The following RGS9 variants were observed in gnomAD, a reference collection of about 807,000 sequenced individuals.
RGS9 encodes the protein regulator of G protein signaling 9.
A neutral mutation model predicts 102.0 loss-of-function variants in RGS9; 78 were observed. That is an observed-to-expected ratio of 0.76 (90% CI 0.64 to 0.92). The LOEUF is 0.92. Among genes scored for constraint, RGS9 ranks in the 40% least tolerant of loss-of-function variants. The pLI, the probability that RGS9 is intolerant of heterozygous loss-of-function variation, is 0.00. For synonymous variants in RGS9, 353 were observed against 318.6 expected (o/e 1.11, Z -1.15); for missense variants, 833 against 866.1 (o/e 0.96, Z 0.48).
chr17:65,227,156 C>A (rs1227459824), intron 18 of RGS9, 119 bp from the exon 19 acceptor site: 2 of 1,404,240 alleles, frequency 1.4e-6, no homozygotes, highest in East Asian at 4.6e-5. Context: ...CTGCCCCCAC[C>A]ACAGTCTTTG....
chr17:65,210,629 G>A (rs763131465), intron 17 of RGS9, 24 bp downstream of exon 17: 3 of 1,612,782 alleles, frequency 1.9e-6, no homozygotes, highest in African/African-American at 2.7e-5. Flanking sequence ...TGGACCGCAG[G>A]AGCCAACTCC....
chr17:65,202,941 G>A (rs1214325489), intron 14 of RGS9, among the ~76,000 whole-genome samples: 1 of 152,142 alleles, frequency 6.6e-6, no homozygotes, highest in African/African-American at 2.4e-5. Flanking sequence ...GCCCAGCATT[G>A]TTAGTTCATA....
chr17:65,177,157 TCC>T (rs1911671281), intron 8 of RGS9, among the ~76,000 whole-genome samples: 2 of 150,648 alleles, frequency 1.3e-5, no homozygotes, highest in Non-Finnish European at 3.0e-5. Context: ...TGTCCGTCCA[TCC>T]ATCCATCCAT....
chr17:65,210,879 G>A (rs921245154), intron 17 of RGS9, among the ~76,000 whole-genome samples: 1 of 152,110 alleles, frequency 6.6e-6, no homozygotes, highest in African/African-American at 2.4e-5. Context: ...GAAGGCGGTG[G>A]GTGGGAGAGG....
chr17:65,189,343 A>C (rs201685358), intron 10 of RGS9, 28 bp downstream of exon 10: 4 of 1,563,608 alleles, frequency 2.6e-6, no homozygotes, highest in Non-Finnish European at 3.5e-6. Flanking sequence ...TCCAGTGAAG[A>C]ATGGTTTTAA....
At chr17:65,205,118 A>G (rs898984245) in intron 15 of RGS9, among the ~76,000 whole-genome samples, 1 of 152,332 alleles carries the variant, frequency 6.6e-6, no homozygotes, top group East Asian at 1.9e-4. Flanking sequence ...TTAAAAAAAA[A>G]TATGTGAAGG....
chr17:65,159,309 G>A (rs968756506), intron 3 of RGS9, among the ~76,000 whole-genome samples: 4 of 152,166 alleles, frequency 2.6e-5, no homozygotes, highest in Admixed American at 6.5e-5. Flanking sequence ...TTGCTCACAC[G>A]AAGCCTGTTT....
intron 10 of RGS9, 66 bp downstream of exon 10, chr17:65,189,381 T>C (rs773239707): frequency 3.3e-5 from 41 of 1,234,448 alleles, no homozygotes; most frequent in Non-Finnish European, 4.9e-5. Flanking sequence ...ATGTACTTTG[T>C]TTTACCCTCT....
intron 2 of RGS9, among the ~76,000 whole-genome samples, chr17:65,157,037 C>T (rs1278045761): frequency 1.3e-5 from 2 of 152,152 alleles, no homozygotes; most frequent in Admixed American, 6.5e-5. Flanking sequence ...CAGGCAATTA[C>T]GCCCAGAGAG....
rs781307223 is a variant in RGS9 at position 65,153,467 on chromosome 17, C to G, written c.103C>G (p.Arg35Gly). Residue 35 changes from arginine to glycine, a missense_variant, in exon 2 of 19, where the codon CGA becomes GGA. Physicochemically the swap from Arg to Gly is moderately radical, Grantham distance 125 (BLOSUM62 -2). Transcript: ENST00000262406. Reference protein sequence around the residue: ...KDMQNPETGVRMQNQRVLVTS... With the variant: ...KDMQNPETGVGMQNQRVLVTS... ...CATGCAGAACCCAGAGACAGGGGTC[C>G]GAATGCAGAACCAGAGGGTCCTGGT... 1 of 1,614,122 alleles carries G rather than the reference C, an allele frequency of 6.2e-7. No homozygotes were observed. The highest frequency in any genetic ancestry group is 8.5e-7 in the Non-Finnish European group (1 of 1,180,002).
chr17:65,152,226 C>A (rs1910605292), intron 1 of RGS9, among the ~76,000 whole-genome samples: 1 of 152,108 alleles, frequency 6.6e-6, no homozygotes, highest in Admixed American at 6.5e-5. Context: ...AGGGAAGAGC[C>A]AGAACATGGG....
In RGS9 at chr17:65,177,804, G is replaced by A; in HGVS notation, c.654+1G>A. 1.2e-6 allele frequency: 2 copies of A among 1,613,908 alleles called. No homozygotes were observed. Among genetic ancestry groups the A allele is most frequent in the African/African-American group, 1.3e-5 (1 of 75,044 alleles). ...TCCGAATGAAGTCAAGGTAAACCAG[G>A]TATGTCTCTGCTGCATAGTTTGGGT... On this transcript the variant is annotated splice_donor_variant, in intron 9 of 18. Coordinates refer to ENST00000262406, the MANE Select transcript of RGS9 (RefSeq NM_003835.4). LOFTEE classifies it high-confidence loss of function.
chr17:65,167,102 C>T (rs1911216017), intron 7 of RGS9, among the ~76,000 whole-genome samples: 1 of 152,204 alleles, frequency 6.6e-6, no homozygotes, highest in African/African-American at 2.4e-5. Flanking sequence ...ATTAGTGTTA[C>T]TTTGCCCCTG....
In RGS9 at chr17:65,202,038, G is replaced by C. The variant is rs780443595; in HGVS notation, c.1022G>C (p.Gly341Ala). The C allele has an allele frequency of 1.2e-6, 2 of 1,613,858 alleles. No homozygotes were observed. Among genetic ancestry groups the C allele is most frequent in the South Asian group, 1.1e-5 (1 of 91,068 alleles). Residue 341 changes from glycine to alanine, a missense_variant, in exon 14 of 19, where the codon GGA becomes GCA. Gly to Ala is a moderately conservative substitution (Grantham distance 60, BLOSUM62 0). Coordinates refer to ENST00000262406, the MANE Select transcript of RGS9 (RefSeq NM_003835.4). ...GAAGCCTGCGAGGATCTGAAGTATG[G>C]AGATCAGTCCAAAGTCAAGGAGAAA... Reference protein sequence around the residue: ...FWEACEDLKYGDQSKVKEKAE... With the variant: ...FWEACEDLKYADQSKVKEKAE...
At chr17:65,154,990 C>T (rs979528610) in intron 2 of RGS9, among the ~76,000 whole-genome samples, 93 of 152,332 alleles carry the variant, frequency 6.1e-4, no homozygotes, top group African/African-American at 2.0e-3. Context: ...AGGATGCCCC[C>T]ACCAGCAATG....
intron 1 of RGS9, among the ~76,000 whole-genome samples, chr17:65,148,283 T>C (rs892667025): frequency 3.9e-5 from 6 of 152,234 alleles, no homozygotes; most frequent in African/African-American, 1.4e-4. Flanking sequence ...TGTTCTTTTG[T>C]ATGCATAGAA....
chr17:65,167,128 G>A (rs1911217332), intron 7 of RGS9, among the ~76,000 whole-genome samples: 1 of 152,226 alleles, frequency 6.6e-6, no homozygotes. Context: ...AGAAGGCCCT[G>A]CGTCATTTCC....
At chr17:65,164,752 C>T (rs190911193) in intron 7 of RGS9, among the ~76,000 whole-genome samples, 2 of 152,318 alleles carry the variant, frequency 1.3e-5, no homozygotes, top group Non-Finnish European at 1.5e-5. Context: ...TAGCCACAAA[C>T]ATGTTTCTAC....
chr17:65,161,946 C>T (rs578176281), intron 6 of RGS9, among the ~76,000 whole-genome samples: 2 of 152,082 alleles, frequency 1.3e-5, no homozygotes, highest in African/African-American at 4.8e-5. Flanking sequence ...GATCCATCCA[C>T]CTCAGCCTCC....
Sources: allele counts gnomAD v4.1 joint callset (sites outside exome capture counted in the v4.1 genomes callset), GRCh38; gene constraint gnomAD v4.1.1; transcripts MANE v1.5; gene names NCBI Gene and HGNC (gene_info 2026-07-23, HGNC 2026-07-21).